The following EMG1 variants were observed in gnomAD, a reference collection of about 807,000 sequenced individuals.
EMG1 encodes EMG1 N1-specific pseudouridine methyltransferase.
Under a neutral mutation model 26.9 loss-of-function variants are expected in EMG1, and 24 were observed. That is an observed-to-expected ratio of 0.89 (90% CI 0.65 to 1.26). EMG1 has a LOEUF of 1.26. Among genes scored for constraint, EMG1 ranks in the 50% most tolerant of loss-of-function variants. EMG1 has a pLI of 0.00. For missense variants in EMG1, 299 were observed against 307.6 expected, an observed-to-expected ratio of 0.97 and a Z score of 0.21; for synonymous variants, 140 against 112.6, an observed-to-expected ratio of 1.24 and a Z score of -1.54.
chr12:6,971,163 C>G lies in EMG1; in HGVS notation c.168+72C>G, dbSNP rs1198318188. The G allele has an allele frequency of 6.9e-6, 9 of 1,296,926 alleles. No homozygotes were observed. The African/African-American group carries it at 1.0e-4, about 15-fold the overall frequency. 80.3% of individuals were successfully genotyped at this position (1,296,926 alleles called of 1,614,324 possible). ...ACTCCGTGGAATGAGGGTAAGGGGC[C>G]CAGAGTGGATGTAGAAAGCAGAGAG... On this transcript the variant is annotated intron_variant, in intron 1 of 5. Transcript: ENST00000599672.
downstream of EMG1, chr12:6,981,437 T>G: frequency 1.3e-6 from 1 of 786,904 alleles, no homozygotes; most frequent in Non-Finnish European, 2.2e-6. Flanking sequence ...AAATTAGATT[T>G]GTTGATCCTT....
At chr12:6,983,640 A>AT, downstream of EMG1, 3 of 717,286 alleles carry the variant, frequency 4.2e-6, no homozygotes, top group Non-Finnish European at 7.3e-6. Flanking sequence ...AGAGGGAGAG[A>AT]GAAAAAAAAA....
At chr12:6,988,108 A>G (rs79509260) in intron 7 of EMG1, 5 of 282,082 alleles carry the variant, frequency 1.8e-5, no homozygotes, top group African/African-American at 8.7e-5. Context: ...TTATGGACTT[A>G]GGCCTGGTAA....
chr12:6,975,036 G>A lies in EMG1; in HGVS notation c.413-54G>A, dbSNP rs1214406982. ...TGGGGTTTTCCTTGTTCGATGACTG[G>A]ACAGAAGGACTGTGGTCTCCATCTA... On this transcript the variant is annotated intron_variant, in intron 3 of 5. Coordinates refer to ENST00000599672, the MANE Select transcript of EMG1 (RefSeq NM_006331.8). 20 of 1,559,366 alleles carry A rather than the reference G, an allele frequency of 1.3e-5. 1 individual carries two copies. The Middle Eastern group carries it at 2.5e-3, about 195-fold the overall frequency.
intron 7 of EMG1, among the ~76,000 whole-genome samples, chr12:6,996,583 C>T (rs1020643446): frequency 3.9e-5 from 6 of 152,146 alleles, no homozygotes; most frequent in Non-Finnish European, 5.9e-5. Context: ...GCTGAATGGC[C>T]GAACAATGAG....
chr12:6,989,964 GGAGTTT>G (rs2138341620), downstream of EMG1, among the ~76,000 whole-genome samples: 1 of 151,910 alleles, frequency 6.6e-6, no homozygotes, highest in African/African-American at 2.4e-5. Flanking sequence ...CTGGAACCCA[GGAGTTT>G]GAGACCAGCC....
At chr12:6,980,894 T>A, downstream of EMG1, 1 of 1,113,684 alleles carries the variant, frequency 9.0e-7, no homozygotes, top group Non-Finnish European at 1.3e-6. Context: ...AGGGCCTGCA[T>A]GACTCAGGTC....
intron 6 of EMG1, among the ~76,000 whole-genome samples, chr12:6,986,839 G>T (rs1946531659): frequency 6.6e-6 from 1 of 151,694 alleles, no homozygotes; most frequent in Non-Finnish European, 1.5e-5. Context: ...TGTCGGCCGG[G>T]TGCGGCAGCT....
downstream of EMG1, chr12:6,981,738 G>C (rs1271712900): frequency 3.7e-6 from 5 of 1,337,712 alleles, no homozygotes; most frequent in East Asian, 2.4e-5. Context: ...CGGAGGGGGG[G>C]TGCCGAGGAA....
At chr12:6,992,069 G>C (rs782740122), downstream of EMG1, among the ~76,000 whole-genome samples, 40 of 151,258 alleles carry the variant, frequency 2.6e-4, no homozygotes, top group Admixed American at 6.6e-4. Context: ...GTGCATACCA[G>C]TTAAAAAAAA....
At chr12:6,981,583 A>G (rs782317806), downstream of EMG1, 3 of 1,613,734 alleles carry the variant, frequency 1.9e-6, no homozygotes, top group South Asian at 2.2e-5. Flanking sequence ...CTGCCGATGA[A>G]TGGGTACTTA....
chr12:6,995,899 T>C (rs1946632309), intron 7 of EMG1, among the ~76,000 whole-genome samples: 1 of 152,214 alleles, frequency 6.6e-6, no homozygotes, highest in Admixed American at 6.5e-5. Flanking sequence ...AATATATCAT[T>C]ATTATATTCA....
At chr12:6,993,641 T>C (rs1419740388) in intron 7 of EMG1, among the ~76,000 whole-genome samples, 6 of 152,224 alleles carry the variant, frequency 3.9e-5, no homozygotes, top group African/African-American at 7.2e-5. Flanking sequence ...TCAGGCAATG[T>C]GTAGACCTTT....
intron 7 of EMG1, among the ~76,000 whole-genome samples, chr12:6,994,127 G>A (rs1555155815): frequency 6.6e-6 from 1 of 152,158 alleles, no homozygotes; most frequent in Non-Finnish European, 1.5e-5. Context: ...ATGAGCCCAT[G>A]TACAAGTTTT....
rs1295417064 is a variant in EMG1 at position 6,975,828 on chromosome 12, T to A, written c.*19T>A. The A allele has an allele frequency of 1.4e-6, 2 of 1,423,248 alleles. No individual in the cohort carries two copies. Among genetic ancestry groups the A allele is most frequent in the African/African-American group, 2.8e-5 (2 of 71,168 alleles). 88.2% of individuals were successfully genotyped at this position (1,423,248 alleles called of 1,614,324 possible). A position where few individuals can be genotyped will look rare whatever the true frequency, so the allele number is the denominator to read the frequency against. ...CATTTGACAGTAGTAGAACCTGTTC[T>A]GAAACCAGAAACTGTTGATGTCACA... On this transcript the variant is annotated 3_prime_UTR_variant, in exon 6 of 6. Transcript: ENST00000599672.
intron 1 of EMG1, among the ~76,000 whole-genome samples, chr12:6,971,671 C>T (rs1946331169): frequency 2.0e-5 from 3 of 152,222 alleles, no homozygotes; most frequent in Admixed American, 1.3e-4. Context: ...GTATAGTAGT[C>T]TAAGCAGAGG....
Position 6,977,724 on chromosome 12 carries a change from C to G in EMG1, c.*1915C>G, listed in dbSNP as rs1946424034. 6.2e-7 allele frequency: 1 copy of G among 1,614,018 alleles called. No homozygotes were observed. Among genetic ancestry groups the G allele is most frequent in the Non-Finnish European group, 8.5e-7 (1 of 1,180,042 alleles). On this transcript the variant is annotated 3_prime_UTR_variant, in exon 6 of 6. Transcript: ENST00000599672. The surrounding 1 kb of genome is among the most constrained non-coding windows in gnomAD (Gnocchi z 4.5). The stretch of plus-strand genomic sequence containing the variant: ...GAGAGAGTTCTTTATTTCCAAGGAA[C>G]TTGAGTCGTTTGAAGATGTAGCTGG...
At chr12:6,994,727 T>C (rs1946622443) in intron 7 of EMG1, among the ~76,000 whole-genome samples, 1 of 152,230 alleles carries the variant, frequency 6.6e-6, no homozygotes, top group African/African-American at 2.4e-5. Flanking sequence ...AGTGTTGGGA[T>C]TACAGGCATC....
At chr12:6,973,899 A>C (rs57175002) in intron 1 of EMG1, among the ~76,000 whole-genome samples, 2,971 of 152,340 alleles carry the variant, frequency 0.02, 106 homozygotes, top group African/African-American at 0.068. Context: ...GGTGTACGCA[A>C]ACTGAGGGTG....
Sources: allele counts gnomAD v4.1 joint callset (sites outside exome capture counted in the v4.1 genomes callset), GRCh38; gene constraint gnomAD v4.1.1; non-coding constraint Gnocchi (gnomAD v3.1); transcripts MANE v1.5; gene names NCBI Gene and HGNC (gene_info 2026-07-23, HGNC 2026-07-21).